Variants in TOMM70 observed in about 807,000 individuals in gnomAD.
TOMM70 encodes translocase of outer mitochondrial membrane 70, also known as mitochondrial import receptor subunit TOM70.
TOMM70 carries 13 observed loss-of-function variants against 73.6 expected under a neutral mutation model. The ratio of observed to expected loss-of-function variants is 0.18; its 90% CI spans 0.11 to 0.28. TOMM70 has a LOEUF of 0.28. Among genes scored for constraint, TOMM70 ranks in the 10% least tolerant of loss-of-function variants. The pLI, the probability that TOMM70 is intolerant of heterozygous loss-of-function variation, is 1.00. For missense variants in TOMM70, 609 were observed against 747.5 expected (o/e 0.81, Z 2.16); for synonymous variants, 257 against 271.2 (o/e 0.95, Z 0.51).
intron 6 of TOMM70, among the ~76,000 whole-genome samples, chr3:100,376,243 T>C (rs1377925019): frequency 6.6e-6 from 1 of 152,174 alleles, no homozygotes; most frequent in Non-Finnish European, 1.5e-5. Flanking sequence ...GTTGTCTTTT[T>C]ATTGTTGAGC....
Position 100,386,966 on chromosome 3 carries a change from T to C in TOMM70, c.337A>G (p.Arg113Gly), listed in dbSNP as rs768552640. 2 of 1,613,578 alleles carry C rather than the reference T, an allele frequency of 1.2e-6. No individual in the cohort carries two copies. The highest frequency in any genetic ancestry group is 1.7e-6 in the Non-Finnish European group (2 of 1,179,886). Reference sequence around the variant, plus strand: ...CCTTTATTCTTGGCTGCTTGGGCTCTATCAAGAGAGTTCTGAAATGAGAGG... The same window carrying C: ...CCTTTATTCTTGGCTGCTTGGGCTCCATCAAGAGAGTTCTGAAATGAGAGG... Reference protein sequence around the residue: ...GAHLDMNSLDRAQAAKNKGNK... With the variant: ...GAHLDMNSLDGAQAAKNKGNK... The change falls in exon 2 of 12, where the codon AGA (arginine) becomes GGA (glycine). Residue 113 changes from arginine to glycine, a missense_variant. This residue lies in a region of TOMM70 where 177 missense variants were observed against 163.5 expected (regional missense o/e 1.08). Coordinates refer to ENST00000284320, the MANE Select transcript of TOMM70 (RefSeq NM_014820.5).
At chr3:100,393,594 T>C (rs1257750322) in intron 1 of TOMM70, among the ~76,000 whole-genome samples, 3 of 152,194 alleles carry the variant, frequency 2.0e-5, no homozygotes, top group Non-Finnish European at 4.4e-5. Flanking sequence ...ACAAAAGATA[T>C]TGAAATAAAA....
intron 5 of TOMM70, among the ~76,000 whole-genome samples, chr3:100,379,394 T>C (rs550275327): frequency 1.2e-4 from 19 of 152,108 alleles, no homozygotes; most frequent in African/African-American, 3.9e-4. Flanking sequence ...AAGGCTAACG[T>C]GGGAGGATCA....
At position 100,401,073 on chromosome 3, in the gene TOMM70, A is replaced by G. The variant is rs1263111571; in HGVS notation, c.-124T>C. 8.3e-6 allele frequency: 9 copies of G among 1,089,920 alleles called. No homozygotes were observed. In the East Asian group the frequency reaches 2.0e-4, roughly 24 times the overall value. The allele number at this position is 1,089,920 out of a possible 1,614,324, so 67.5% of individuals were successfully genotyped here. On this transcript the variant is annotated 5_prime_UTR_variant, in exon 1 of 12. Coordinates refer to ENST00000284320, the MANE Select transcript of TOMM70 (RefSeq NM_014820.5). ...GCGAGCGAGCACGCTAGGCAGAGAG[A>G]GCGGACGACAGAAAAGGGCCAGAGG... is the stretch of plus-strand genomic sequence containing the variant.
chr3:100,381,852 T>C, intron 4 of TOMM70, 89 bp from the exon 5 acceptor site: 1 of 1,293,408 alleles, frequency 7.7e-7, no homozygotes, highest in Non-Finnish European at 1.0e-6. Context: ...ATAACTGTCA[T>C]AAAAATTGGA....
intron 9 of TOMM70, 137 bp downstream of exon 9, chr3:100,372,469 G>T: frequency 1.5e-6 from 1 of 659,554 alleles, no homozygotes; most frequent in Non-Finnish European, 2.6e-6. Flanking sequence ...ACCAACCAGG[G>T]GCCATGAGAA....
At chr3:100,393,167 ACTCTGT>A (rs1265016935) in intron 1 of TOMM70, among the ~76,000 whole-genome samples, 2 of 149,184 alleles carry the variant, frequency 1.3e-5, no homozygotes, top group Non-Finnish European at 3.0e-5. Context: ...CAAGAGTGAA[ACTCTGT>A]CTCAAAAAAA....
At chr3:100,383,264 G>A (rs1559833016) in intron 4 of TOMM70, among the ~76,000 whole-genome samples, 1 of 152,132 alleles carries the variant, frequency 6.6e-6, no homozygotes, top group African/African-American at 2.4e-5. Context: ...GCTCATGCCT[G>A]TAATTCTAGC....
chr3:100,379,923 C>T (rs1415389803), intron 5 of TOMM70, among the ~76,000 whole-genome samples: 1 of 152,050 alleles, frequency 6.6e-6, no homozygotes, highest in Non-Finnish European at 1.5e-5. Context: ...CTGACCTGAC[C>T]CTGTCTCTTA....
At position 100,377,781 on chromosome 3, in the gene TOMM70, T is replaced by C. The variant is rs1706581888; in HGVS notation, c.1016A>G (p.Tyr339Cys). The C allele has an allele frequency of 6.2e-7, 1 of 1,614,216 alleles. No individual in the cohort carries two copies. Among genetic ancestry groups the C allele is most frequent in the Non-Finnish European group, 8.5e-7 (1 of 1,180,036 alleles). ...TGCATTGGCATTGCCAATAAGCAGG[T>C]AGAAGGTAGCTCGTAGTAGCAATGC... ...AEALLLRATF[Y>C]LLIGNANAAK... is the part of the protein sequence containing the mutation. Residue 339 changes from tyrosine (Y) to cysteine (C), a missense_variant, in exon 6 of 12, where the codon TAC (tyrosine) becomes TGC (cysteine). This residue lies in a region of TOMM70 where 432 missense variants were observed against 584.1 expected (regional missense o/e 0.74). Coordinates refer to ENST00000284320, the MANE Select transcript of TOMM70 (RefSeq NM_014820.5).
At chr3:100,393,433 T>C (rs574277969) in intron 1 of TOMM70, among the ~76,000 whole-genome samples, 5 of 151,862 alleles carry the variant, frequency 3.3e-5, no homozygotes, top group Admixed American at 6.6e-5. Flanking sequence ...TAACGGACTA[T>C]GGAGACTCAG....
At chr3:100,391,751 G>T (rs948525417) in intron 1 of TOMM70, among the ~76,000 whole-genome samples, 1 of 152,094 alleles carries the variant, frequency 6.6e-6, no homozygotes, top group African/African-American at 2.4e-5. Flanking sequence ...AAATTTAAAA[G>T]TTCATAAAGT....
At chr3:100,395,937 A>G (rs1167352069) in intron 1 of TOMM70, among the ~76,000 whole-genome samples, 1 of 152,056 alleles carries the variant, frequency 6.6e-6, no homozygotes, top group Non-Finnish European at 1.5e-5. Context: ...GTGCTTAGGT[A>G]GAGAGAAGTT....
rs1472541857 is a variant in TOMM70 at position 100,400,632 on chromosome 3, C to T, written c.318G>A (p.Leu106=). 1.2e-6 allele frequency: 2 copies of T among 1,611,478 alleles called. No homozygotes were observed. The highest frequency in any genetic ancestry group is 8.5e-7 in the Non-Finnish European group (1 of 1,179,280). ...GCCTGGGGCTGCTTCTCACCATGTC[C>T]AAGTGAGCACCGGGACCTTCAGGGT... ...SGHPEGPGAH[L]DMNSLDRAQA... is the part of the protein sequence containing the mutation. The change falls in exon 1 of 12, where the codon TTG becomes TTA. Residue 106 remains leucine, a synonymous_variant. Coordinates refer to ENST00000284320, the MANE Select transcript of TOMM70 (RefSeq NM_014820.5).
rs61515802 is a variant in TOMM70 at position 100,371,259 on chromosome 3, A to ATT, written c.1452+1345_1452+1346dup. 7.9e-3 allele frequency among the ~76,000 whole-genome samples: 780 copies of ATT among 98,524 alleles called. 5 individuals carry two copies. The highest frequency in any genetic ancestry group is 0.014 in the East Asian group (46 of 3,358). 64.6% of individuals were successfully genotyped at this position (98,524 alleles called of 152,430 possible). On this transcript the variant is annotated intron_variant, in intron 9 of 11. Coordinates refer to ENST00000284320, the MANE Select transcript of TOMM70 (RefSeq NM_014820.5). Reference sequence around the variant, plus strand: ...AGGAGAGGGGTCAACCAGCGATGGTATTTTTTTTTTTTTTTTTTTTTTTTG... The same window carrying ATT: ...AGGAGAGGGGTCAACCAGCGATGGTATTTTTTTTTTTTTTTTTTTTTTTTTTG...
chr3:100,372,627 T>C lies in TOMM70; in HGVS notation c.1431A>G (p.Glu477=), dbSNP rs1478030643. 6.2e-7 allele frequency: 1 copy of C among 1,614,052 alleles called. No individual in the cohort carries two copies. The highest frequency in any genetic ancestry group is 1.7e-5 in the Admixed American group (1 of 59,996). ...TTACCTGGGCGTATAGTGCATAGCC[T>C]TCGGCACACCTTGGAAATTTCTTTA... ...EVIKKFPRCA[E]GYALYAQALT... is the part of the protein sequence containing the mutation. Residue 477 remains glutamate (E), a synonymous_variant, in exon 9 of 12, where the codon GAA becomes GAG. Coordinates refer to ENST00000284320, the MANE Select transcript of TOMM70 (RefSeq NM_014820.5).
At chr3:100,394,199 A>G (rs759613476) in intron 1 of TOMM70, among the ~76,000 whole-genome samples, 2 of 152,226 alleles carry the variant, frequency 1.3e-5, no homozygotes, top group Non-Finnish European at 2.9e-5. Flanking sequence ...TATACCTGAG[A>G]TGGTTTGATG....
intron 2 of TOMM70, among the ~76,000 whole-genome samples, 193 bp downstream of exon 2, chr3:100,386,612 G>A (rs891949956): frequency 2.6e-5 from 4 of 152,156 alleles, no homozygotes; most frequent in African/African-American, 9.7e-5. Context: ...TAACTTTGGA[G>A]TATATCTGTA....
At chr3:100,389,084 T>C (rs1274621421) in intron 1 of TOMM70, among the ~76,000 whole-genome samples, 1 of 151,924 alleles carries the variant, frequency 6.6e-6, no homozygotes, top group Non-Finnish European at 1.5e-5. Context: ...AAAAATGACA[T>C]GCATTTTTAG....
Sources: gnomAD v4.1 joint callset for allele counts (sites outside exome capture counted in the v4.1 genomes callset) on GRCh38, gnomAD v4.1.1 for gene constraint, gnomAD v4.1.1 regional missense constraint, MANE v1.5 for transcripts, NCBI Gene and HGNC (gene_info 2026-07-23, HGNC 2026-07-21) for gene names.